The following NRIP3 variants were observed in gnomAD, a reference collection of about 807,000 sequenced individuals.
The protein encoded by NRIP3 is nuclear receptor-interacting protein 3.
NRIP3 carries 31 observed loss-of-function variants against 29.0 expected under a neutral mutation model. The observed-to-expected ratio is 1.07, with a 90% CI of 0.80 to 1.44. NRIP3 has a LOEUF of 1.44. NRIP3 is among the 40% of genes most tolerant of loss of function. The pLI is 0.00. For synonymous variants in NRIP3, 131 were observed against 118.3 expected (o/e 1.11, Z -0.70); for missense variants, 314 against 297.9 (o/e 1.05, Z -0.40).
rs146408548 is a variant in NRIP3, at chr11:8,982,687, C to T, written c.*858G>A. On this transcript the variant is annotated 3_prime_UTR_variant, in exon 7 of 7. Transcript: ENST00000309166. ...AGAAACCATTTCATTCATCTTTGTA[C>T]GCTCGTTTTTAGGCACCAAGATGAG... 46 of 238,118 alleles carry T rather than the reference C, an allele frequency of 1.9e-4. No individual in the cohort carries two copies. Among genetic ancestry groups the T allele is most frequent in the Middle Eastern group, 1.6e-3 (1 of 630 alleles). 14.8% of individuals were successfully genotyped at this position (238,118 alleles called of 1,614,324 possible). A position where few individuals can be genotyped will look rare whatever the true frequency, so the allele number is the denominator to read the frequency against.
intron 1 of NRIP3, among the ~76,000 whole-genome samples, chr11:8,999,552 A>C (rs146267464): frequency 6.6e-6 from 1 of 152,356 alleles, no homozygotes; most frequent in African/African-American, 2.4e-5. Context: ...GTATGCGCTG[A>C]AAAGAGTGGA....
intron 1 of NRIP3, among the ~76,000 whole-genome samples, chr11:8,990,431 C>T (rs564088946): frequency 6.6e-6 from 1 of 152,048 alleles, no homozygotes; most frequent in Non-Finnish European, 1.5e-5. Context: ...TCTTTAGTAA[C>T]CAAAAAAGGT....
intron 1 of NRIP3, among the ~76,000 whole-genome samples, chr11:8,999,955 C>T (rs1420921495): frequency 6.6e-6 from 1 of 152,144 alleles, no homozygotes; most frequent in Non-Finnish European, 1.5e-5. Flanking sequence ...ACCTTATATA[C>T]ATTTACTTAA....
Position 8,983,121 on chromosome 11 carries a change from A to G in NRIP3, c.*424T>C. 2.4e-6 allele frequency: 1 copy of G among 421,204 alleles called. No homozygotes were observed. The highest frequency in any genetic ancestry group is 1.8e-5 in the South Asian group (1 of 55,442). The allele number at this position is 421,204 out of a possible 1,614,324, so 26.1% of individuals were successfully genotyped here. ...AATTCTAAGACATAGGTATCCTGGC[A>G]CCTGTTTGAAACAGCTGAAAGGAGG... On this transcript the variant is annotated 3_prime_UTR_variant, in exon 7 of 7. Coordinates refer to ENST00000309166, the MANE Select transcript of NRIP3 (RefSeq NM_020645.3).
In NRIP3 at chr11:8,983,915, C is replaced by T. The variant is rs142412229; in HGVS notation, c.670G>A (p.Glu224Lys). Residue 224 changes from glutamate (E) to lysine (K), a missense_variant, in exon 6 of 7, where the codon GAA (glutamate) becomes AAA (lysine). Transcript: ENST00000309166. ...GAGACTGTCTCCACAAAAGGGATTTCTTCCTTGTCTGTCTTCCCCATGATC... is the reference window on the plus strand; with the variant it reads ...GAGACTGTCTCCACAAAAGGGATTTTTTCCTTGTCTGTCTTCCCCATGATC... ...RLIMGKTDKE[E>K]IPFVETVSLN... 1 of 1,614,088 alleles carries T rather than the reference C, an allele frequency of 6.2e-7. No homozygotes were observed. The highest frequency in any genetic ancestry group is 1.3e-5 in the African/African-American group (1 of 74,930).
At chr11:8,983,667 T>C (rs1021043086) in intron 6 of NRIP3, 107 bp from the exon 7 acceptor site, 2 of 1,063,432 alleles carry the variant, frequency 1.9e-6, no homozygotes, top group Non-Finnish European at 2.9e-6. Flanking sequence ...CCTACCACTC[T>C]GTGTGGCATC....
In NRIP3 at chr11:9,003,957, G is replaced by A. The variant is rs1426371969; in HGVS notation, c.-22C>T. The A allele has an allele frequency of 2.7e-6, 4 of 1,477,150 alleles. No homozygotes were observed. The highest frequency in any genetic ancestry group is 1.3e-5 in the South Asian group (1 of 78,048). 91.5% of individuals were successfully genotyped at this position (1,477,150 alleles called of 1,614,324 possible). A position where few individuals can be genotyped will look rare whatever the true frequency, so the allele number is the denominator to read the frequency against. On this transcript the variant is annotated 5_prime_UTR_variant, in exon 1 of 7. Transcript: ENST00000309166. ...ACATCGCTGAGGCGCCGGCGGCCCG[G>A]TAGCCCACAGCCCCCCGGCAGCCTC...
rs370792093 is a variant in NRIP3 at position 8,988,103 on chromosome 11, T to C, written c.339+15A>G. 6 of 1,613,084 alleles carry C rather than the reference T, an allele frequency of 3.7e-6. No individual in the cohort carries two copies. The highest frequency in any genetic ancestry group is 5.1e-6 in the Non-Finnish European group (6 of 1,179,308). The stretch of plus-strand genomic sequence containing the variant: ...TTTCCAGAAAACCCTGGAAAAGCTG[T>C]TCTCAGAACATTACCTGGCAAGAAA... On this transcript the variant is annotated intron_variant, in intron 2 of 6. Transcript: ENST00000309166.
At chr11:9,004,025 C>T, upstream of NRIP3, 1 of 1,258,148 alleles carries the variant, frequency 7.9e-7, no homozygotes, top group Non-Finnish European at 1.0e-6. Flanking sequence ...CGAGCCGCGC[C>T]TTTTATAGCC....
intron 1 of NRIP3, among the ~76,000 whole-genome samples, chr11:8,998,575 A>T (rs1021739153): frequency 2.0e-5 from 3 of 152,180 alleles, no homozygotes; most frequent in African/African-American, 7.2e-5. Context: ...AAAGGTGTAA[A>T]TAGATGCCAG....
chr11:8,985,886 CAG>C, intron 3 of NRIP3, 36 bp from the exon 4 acceptor site: 4 of 1,610,210 alleles, frequency 2.5e-6, no homozygotes, highest in Non-Finnish European at 3.4e-6. Flanking sequence ...ATCCCCTTGA[CAG>C]AGATTCCTGG....
At chr11:8,990,849 C>T (rs1854586894) in intron 1 of NRIP3, among the ~76,000 whole-genome samples, 1 of 151,914 alleles carries the variant, frequency 6.6e-6, no homozygotes, top group African/African-American at 2.4e-5. Flanking sequence ...CAAAAACCTC[C>T]CCAATCTCTC....
intron 2 of NRIP3, 101 bp downstream of exon 2, chr11:8,988,017 C>T (rs1308643029): frequency 8.6e-7 from 1 of 1,162,876 alleles, no homozygotes; most frequent in Non-Finnish European, 1.2e-6. Flanking sequence ...TTAAAACTCA[C>T]TTATGAATTC....
chr11:9,003,987 T>A lies in NRIP3; in HGVS notation c.-52A>T. 7.0e-7 allele frequency: 1 copy of A among 1,420,604 alleles called. No individual in the cohort carries two copies. Among genetic ancestry groups the A allele is most frequent in the South Asian group, 1.4e-5 (1 of 71,534 alleles). The allele number at this position is 1,420,604 out of a possible 1,614,324, so 88.0% of individuals were successfully genotyped here. Reference sequence around the variant, plus strand: ...CCACAGCCCCCCGGCAGCCTCAGCCTCGAGCTCCTCCAGCGCCGCAAGGGC... The same window carrying A: ...CCACAGCCCCCCGGCAGCCTCAGCCACGAGCTCCTCCAGCGCCGCAAGGGC... On this transcript the variant is annotated 5_prime_UTR_variant, in exon 1 of 7. Transcript: ENST00000309166.
intron 1 of NRIP3, among the ~76,000 whole-genome samples, chr11:8,991,494 T>C (rs575514434): frequency 6.7e-4 from 102 of 152,294 alleles, no homozygotes; most frequent in African/African-American, 2.4e-3. Context: ...TATAGCTGCA[T>C]ATTTACCTCT....
At chr11:8,996,255 C>G (rs1374968721) in intron 1 of NRIP3, among the ~76,000 whole-genome samples, 1 of 135,398 alleles carries the variant, frequency 7.4e-6, no homozygotes, top group Non-Finnish European at 1.6e-5. Context: ...CCCCTTCTTT[C>G]TTCAAAAAGC....
intron 1 of NRIP3, among the ~76,000 whole-genome samples, chr11:8,994,795 G>A (rs185928236): frequency 2.6e-4 from 39 of 152,210 alleles, no homozygotes; most frequent in African/African-American, 7.7e-4. Context: ...TTTCTTAAAT[G>A]TTAGTGTTCC....
rs976458192 is a variant in NRIP3, at chr11:8,981,646, T to C, written c.*1899A>G. ...TGCCATGAAAGGTAGGGAAGGAGCA[T>C]GGAGAGGCCTCAGTGGAAAGGTACA... On this transcript the variant is annotated 3_prime_UTR_variant, in exon 7 of 7. Transcript: ENST00000309166. 7 of 152,074 alleles carry C rather than the reference T, an allele frequency of 4.6e-5. No individual in the cohort carries two copies. Among genetic ancestry groups the C allele is most frequent in the African/African-American group, 1.7e-4 (7 of 41,318 alleles). The allele number at this position is 152,074 out of a possible 1,614,324, so 9.4% of individuals were successfully genotyped here.
intron 1 of NRIP3, among the ~76,000 whole-genome samples, chr11:8,998,293 C>CCCAG (rs1469284823): frequency 1.3e-5 from 2 of 152,190 alleles, no homozygotes; most frequent in Non-Finnish European, 2.9e-5. Flanking sequence ...GTTACACTGC[C>CCCAG]CCAGGCCTTC....
Sources: gnomAD v4.1 joint callset for allele counts (sites outside exome capture counted in the v4.1 genomes callset) on GRCh38, gnomAD v4.1.1 for gene constraint, MANE v1.5 for transcripts, NCBI Gene and HGNC (gene_info 2026-07-23, HGNC 2026-07-21) for gene names.